Variants in SLC12A1 observed in about 807,000 individuals in gnomAD.
SLC12A1 encodes the protein solute carrier family 12 member 1.
In SLC12A1, 89 loss-of-function variants were observed where a neutral mutation model predicts 130.4. That is an observed-to-expected ratio of 0.68 (90% CI 0.58 to 0.81). The LOEUF (loss-of-function observed/expected upper bound fraction) is 0.81, where lower values mean the gene tolerates loss of function less well. SLC12A1 is among the 40% of genes least tolerant of loss of function. The pLI, the probability that SLC12A1 is intolerant of heterozygous loss-of-function variation, is 0.00. For missense variants in SLC12A1, 1,310 were observed against 1,336.4 expected (o/e 0.98, Z 0.31); for synonymous variants, 499 against 460.0 (o/e 1.08, Z -1.09).
intron 9 of SLC12A1, among the ~76,000 whole-genome samples, chr15:48,240,734 G>T (rs763417380): frequency 6.6e-6 from 1 of 152,030 alleles, no homozygotes; most frequent in Non-Finnish European, 1.5e-5. Context: ...CTGTATAAGT[G>T]AAGACATTAA....
At position 48,284,675 on chromosome 15, in the gene SLC12A1, T is replaced by G. The variant is rs117063221; in HGVS notation, c.2486-431T>G. Among the ~76,000 whole-genome samples, 575 of 152,348 alleles carry G rather than the reference T, an allele frequency of 3.8e-3. 16 individuals are homozygous for G. The highest frequency in any genetic ancestry group is 0.033 in the Admixed American group (502 of 15,298). On this transcript the variant is annotated intron_variant, in intron 20 of 26. Coordinates refer to ENST00000380993, the MANE Select transcript of SLC12A1 (RefSeq NM_000338.3). The stretch of plus-strand genomic sequence containing the variant: ...TTCTTTTGGAGACACGATCTCACTC[T>G]ATTGCCCAGGCTGCAGTGCAGTGGC...
At position 48,220,710 on chromosome 15, in the gene SLC12A1, A is replaced by G. The variant is rs142360465; in HGVS notation, c.497A>G (p.Asn166Ser). The G allele has an allele frequency of 2.4e-4, 387 of 1,613,786 alleles. 2 individuals are homozygous for G. Among genetic ancestry groups the G allele is most frequent in the Non-Finnish European group, 3.1e-4 (360 of 1,179,860 alleles). ...DGIPGDEQAE[N>S]KEDDQAGVVK... Reference sequence around the variant, plus strand: ...ATACCTGGAGATGAACAAGCTGAAAATAAGGAAGATGATCAAGCTGGTGTT... The same window carrying G: ...ATACCTGGAGATGAACAAGCTGAAAGTAAGGAAGATGATCAAGCTGGTGTT... The change falls in exon 3 of 27, where the codon AAT becomes AGT. Residue 166 changes from asparagine to serine, a missense_variant. By Grantham distance (46) the Asn-to-Ser change is conservative. Coordinates refer to ENST00000380993, the MANE Select transcript of SLC12A1 (RefSeq NM_000338.3).
intron 19 of SLC12A1, among the ~76,000 whole-genome samples, chr15:48,274,199 T>C (rs1455305753): frequency 6.6e-6 from 1 of 152,178 alleles, no homozygotes. Context: ...TGGTGGCTAA[T>C]CATTTCAAAG....
rs116302319 is a variant in SLC12A1, at chr15:48,262,301, T to C, written c.2154+2990T>C. 8.4e-3 allele frequency among the ~76,000 whole-genome samples: 1,276 copies of C among 152,296 alleles called. 18 individuals are homozygous for C. Among genetic ancestry groups the C allele is most frequent in the African/African-American group, 0.03 (1,230 of 41,560 alleles). ...TTGAAGTACTTGCTTTAAGTGCTGT[T>C]ACATTACCAGAAAGGAGCAAGACGT... On this transcript the variant is annotated intron_variant, in intron 17 of 26. Transcript: ENST00000380993.
chr15:48,272,581 C>T (rs1340408919), intron 19 of SLC12A1, among the ~76,000 whole-genome samples: 1 of 152,110 alleles, frequency 6.6e-6, no homozygotes, highest in Non-Finnish European at 1.5e-5. Flanking sequence ...TGCACACCAC[C>T]ATGCCCAGCT....
At chr15:48,254,786 T>A (rs1398464305) in intron 15 of SLC12A1, among the ~76,000 whole-genome samples, 1 of 151,054 alleles carries the variant, frequency 6.6e-6, no homozygotes, top group Admixed American at 6.6e-5. Flanking sequence ...TAGCCGGGCG[T>A]GGTGGCGGGC....
chr15:48,264,459 T>A (rs1198470513), intron 17 of SLC12A1, among the ~76,000 whole-genome samples: 1 of 152,144 alleles, frequency 6.6e-6, no homozygotes, highest in Non-Finnish European at 1.5e-5. Context: ...TCTTCTATCT[T>A]TCAGCCTCCT....
chr15:48,225,402 A>G (rs1449835828), intron 4 of SLC12A1: 3 of 152,182 alleles, frequency 2.0e-5, no homozygotes, highest in Admixed American at 2.0e-4. Flanking sequence ...TAGGCCAATT[A>G]TCATGTTTAT....
chr15:48,282,136 G>A (rs2042014175), intron 20 of SLC12A1, among the ~76,000 whole-genome samples: 1 of 152,146 alleles, frequency 6.6e-6, no homozygotes, highest in South Asian at 2.1e-4. Flanking sequence ...ATGCAAATGG[G>A]AATCACACCA....
chr15:48,255,738 A>T lies in SLC12A1; in HGVS notation c.1943-73A>T. The T allele has an allele frequency of 5.5e-6, 5 of 915,050 alleles. No individual in the cohort carries two copies. In the South Asian group the frequency reaches 8.4e-5, roughly 15 times the overall value. 56.7% of individuals were successfully genotyped at this position (915,050 alleles called of 1,614,324 possible). A position where few individuals can be genotyped will look rare whatever the true frequency, so the allele number is the denominator to read the frequency against. ...CCAAGGAAAATCATAGAAGGGAATG[A>T]CTTGTAAAATTATTCATGGTGCACA... On this transcript the variant is annotated intron_variant, in intron 15 of 26. Coordinates refer to ENST00000380993, the MANE Select transcript of SLC12A1 (RefSeq NM_000338.3).
chr15:48,268,281 G>C (rs1427869623), intron 18 of SLC12A1, among the ~76,000 whole-genome samples: 3 of 151,686 alleles, frequency 2.0e-5, no homozygotes, highest in African/African-American at 7.3e-5. Context: ...CTTCATCTCT[G>C]CTATAGTAAG....
chr15:48,241,889 C>T (rs2041520911), intron 10 of SLC12A1, among the ~76,000 whole-genome samples: 1 of 152,104 alleles, frequency 6.6e-6, no homozygotes, highest in Non-Finnish European at 1.5e-5. Flanking sequence ...AATCCCACTG[C>T]TAAGGAGGCC....
At chr15:48,224,599 G>A (rs1186586910) in intron 4 of SLC12A1, 1 of 152,202 alleles carries the variant, frequency 6.6e-6, no homozygotes, top group Non-Finnish European at 1.5e-5. Flanking sequence ...AGCAAAGCTT[G>A]TTGTGTAGAT....
chr15:48,246,090 GAA>G (rs1391554608), intron 11 of SLC12A1, among the ~76,000 whole-genome samples: 1 of 152,182 alleles, frequency 6.6e-6, no homozygotes, highest in Non-Finnish European at 1.5e-5. Context: ...CTCACAAAGA[GAA>G]ATTAACTCAG....
chr15:48,291,721 TTTGA>T (rs2141119297), intron 23 of SLC12A1, 53 bp from the exon 24 acceptor site: 3 of 1,087,404 alleles, frequency 2.8e-6, no homozygotes, highest in East Asian at 2.6e-5. Flanking sequence ...CAAAAAACTC[TTTGA>T]TTGAAAATAG....
intron 10 of SLC12A1, among the ~76,000 whole-genome samples, chr15:48,242,361 G>T (rs949950905): frequency 6.6e-6 from 1 of 152,172 alleles, no homozygotes; most frequent in African/African-American, 2.4e-5. Context: ...GGAAGCCAAA[G>T]GGTACATCCC....
chr15:48,262,108 T>A (rs1270162973), intron 17 of SLC12A1, among the ~76,000 whole-genome samples: 1 of 152,218 alleles, frequency 6.6e-6, no homozygotes, highest in African/African-American at 2.4e-5. Context: ...TTACCTTCAA[T>A]AAAAACCTAA....
intron 13 of SLC12A1, among the ~76,000 whole-genome samples, chr15:48,249,036 A>T (rs2141060707): frequency 6.6e-6 from 1 of 152,308 alleles, no homozygotes; most frequent in Middle Eastern, 3.4e-3. Flanking sequence ...GCTAGACTCT[A>T]TCTCAAAATA....
rs373986868 is a variant in SLC12A1, at chr15:48,207,920, G to A, written c.201G>A (p.Gln67=). The A allele has an allele frequency of 4.4e-5, 71 of 1,613,898 alleles. No homozygotes were observed. The African/African-American group carries it at 8.3e-4, about 19-fold the overall frequency. ...RLRISFRPGN[Q]ECYDNFLQSG... ...GAATCAGCTTTAGGCCTGGGAATCA[G>A]GAGTGCTATGACAATTTCCTCCAAA... The change falls in exon 2 of 27, where the codon CAG becomes CAA. Residue 67 remains glutamine (Q), a synonymous_variant. Coordinates refer to ENST00000380993, the MANE Select transcript of SLC12A1 (RefSeq NM_000338.3).
Sources: allele counts gnomAD v4.1 joint callset (sites outside exome capture counted in the v4.1 genomes callset), GRCh38; gene constraint gnomAD v4.1.1; transcripts MANE v1.5; gene names NCBI Gene and HGNC (gene_info 2026-07-23, HGNC 2026-07-21).